Variants in USH2A observed in about 807,000 individuals in gnomAD.
USH2A encodes usherin, also known as Usher syndrome 2A (autosomal recessive, mild).
Under a neutral mutation model 538.9 loss-of-function variants are expected in USH2A, and 443 were observed. The ratio of observed to expected loss-of-function variants is 0.82; its 90% CI spans 0.76 to 0.89. The LOEUF is 0.89. Among genes scored for constraint, USH2A ranks in the 40% least tolerant of loss-of-function variants. USH2A has a pLI of 0.00. For missense variants in USH2A, 6,633 were observed against 6,324.8 expected, an observed-to-expected ratio of 1.05 and a Z score of -1.65; for synonymous variants, 2,413 against 2,273.5, an observed-to-expected ratio of 1.06 and a Z score of -1.75.
At chr1:216,017,604 T>G (rs1452023815) in intron 32 of USH2A, among the ~76,000 whole-genome samples, 1 of 152,284 alleles carries the variant, frequency 6.6e-6, no homozygotes, top group African/African-American at 2.4e-5. Context: ...AAGTTAATAA[T>G]GAGACATAAT....
At chr1:216,203,005 C>A (rs542734208) in intron 16 of USH2A, among the ~76,000 whole-genome samples, 1 of 152,178 alleles carries the variant, frequency 6.6e-6, no homozygotes, top group South Asian at 2.1e-4. Flanking sequence ...TTCCTTTCAT[C>A]TTTGTATTTC....
Position 215,623,557 on chromosome 1 carries a change from GTTC to G in USH2A, c.*2221_*2223del, listed in dbSNP as rs1655881160. The G allele has an allele frequency of 2.0e-5, 3 of 152,224 alleles. No homozygotes were observed. The highest frequency in any genetic ancestry group is 6.5e-5 in the Admixed American group (1 of 15,282). 9.4% of individuals were successfully genotyped at this position (152,224 alleles called of 1,614,324 possible). A position where few individuals can be genotyped will look rare whatever the true frequency, so the allele number is the denominator to read the frequency against. Reference sequence around the variant, plus strand: ...TAAAGTAGCAAAGCAACATCTTAGAGTTCTTCTCTGAAATAAATACAAGTAAAC... The same window carrying G: ...TAAAGTAGCAAAGCAACATCTTAGAGTTCTCTGAAATAAATACAAGTAAAC... On this transcript the variant is annotated 3_prime_UTR_variant, in exon 72 of 72. Coordinates refer to ENST00000307340, the MANE Select transcript of USH2A (RefSeq NM_206933.4).
At chr1:216,065,328 A>T (rs978816668) in intron 30 of USH2A, among the ~76,000 whole-genome samples, 1 of 152,212 alleles carries the variant, frequency 6.6e-6, no homozygotes, top group Non-Finnish European at 1.5e-5. Context: ...AATATGCATT[A>T]TATGTTATCA....
chr1:216,347,953 C>A (rs914233409), intron 4 of USH2A, among the ~76,000 whole-genome samples: 1 of 152,092 alleles, frequency 6.6e-6, no homozygotes, highest in African/African-American at 2.4e-5. Flanking sequence ...TCAAGCTGAA[C>A]AAGAGTTAAC....
At chr1:215,894,867 C>T (rs773081707) in intron 40 of USH2A, among the ~76,000 whole-genome samples, 2 of 152,162 alleles carry the variant, frequency 1.3e-5, no homozygotes, top group Non-Finnish European at 2.9e-5. Context: ...AATTGCTTTC[C>T]AGCCTTACCC....
chr1:216,045,980 C>G (rs1293546130), intron 32 of USH2A, among the ~76,000 whole-genome samples: 1 of 150,152 alleles, frequency 6.7e-6, no homozygotes, highest in African/African-American at 2.5e-5. Flanking sequence ...AACACATTTT[C>G]AGATAACTAT....
At position 215,922,010 on chromosome 1, in the gene USH2A, G is replaced by A. The variant is rs1016920735; in HGVS notation, c.7300+12606C>T. 2.5e-4 allele frequency among the ~76,000 whole-genome samples: 38 copies of A among 152,144 alleles called. 1 individual carries two copies. Among genetic ancestry groups the A allele is most frequent in the Admixed American group, 2.4e-3 (36 of 15,236 alleles). ...GTCAACCTACTCTGGAGTTGTGTTT[G>A]TGAACTCCTAGAAGGAAAAATCTTA... On this transcript the variant is annotated intron_variant, in intron 38 of 71. Transcript: ENST00000307340.
chr1:216,050,604 C>CTTTCTTTCTTTTTTTTT (rs1195871302), intron 30 of USH2A, among the ~76,000 whole-genome samples: 1 of 68,564 alleles, frequency 1.5e-5, no homozygotes, highest in African/African-American at 5.3e-5. Context: ...TTCTTTCTTT[C>CTTTCTTTCTTTTTTTTT]TTTTTTTTTT....
chr1:215,990,316 T>C (rs889632119), intron 35 of USH2A, among the ~76,000 whole-genome samples: 1 of 152,216 alleles, frequency 6.6e-6, no homozygotes, highest in African/African-American at 2.4e-5. Context: ...AACAAATATA[T>C]TGCAGACACT....
rs772357461 is a variant in USH2A, at chr1:215,675,550, G to T, written c.12361C>A (p.Arg4121Ser). ...GTGTAGAGAGTGAAAGGATCCAGGC[G>T]GCGGAAGAGAAACTGACGATTCAAA... ...SGLNRQFLFR[R>S]LDPFTLYTLT... Residue 4121 changes from arginine to serine, a missense_variant, in exon 63 of 72, where the codon CGC becomes AGC. Physicochemically the swap from Arg to Ser is moderately radical, Grantham distance 110 (BLOSUM62 -1). Coordinates refer to ENST00000307340, the MANE Select transcript of USH2A (RefSeq NM_206933.4). 4 of 1,613,876 alleles carry T rather than the reference G, an allele frequency of 2.5e-6. No homozygotes were observed. The African/African-American group carries it at 5.3e-5, about 22-fold the overall frequency.
chr1:215,855,995 G>A (rs558160872), intron 44 of USH2A, among the ~76,000 whole-genome samples: 9 of 152,262 alleles, frequency 5.9e-5, no homozygotes, highest in Middle Eastern at 3.4e-3. Context: ...GTAGAAGAAT[G>A]AAACTAGATC....
chr1:215,732,705 C>A (rs1224452757), intron 60 of USH2A, among the ~76,000 whole-genome samples: 2 of 151,622 alleles, frequency 1.3e-5, no homozygotes, highest in Non-Finnish European at 2.9e-5. Context: ...CCATGCCTGG[C>A]TAATTTTTTG....
chr1:216,038,939 C>A (rs2030130240), intron 32 of USH2A, among the ~76,000 whole-genome samples: 1 of 152,022 alleles, frequency 6.6e-6, no homozygotes, highest in Non-Finnish European at 1.5e-5. Context: ...CTTTCCCTAT[C>A]ATTTACGAAC....
At chr1:216,365,514 T>C (rs1168070690) in intron 3 of USH2A, among the ~76,000 whole-genome samples, 1 of 152,178 alleles carries the variant, frequency 6.6e-6, no homozygotes, top group Non-Finnish European at 1.5e-5. Flanking sequence ...TAATTCAAGT[T>C]ACTAGGATCA....
intron 37 of USH2A, among the ~76,000 whole-genome samples, chr1:215,948,438 A>ATG (rs1666812110): frequency 6.9e-6 from 1 of 145,472 alleles, no homozygotes; most frequent in Non-Finnish European, 1.5e-5. Context: ...ATATATATAT[A>ATG]TATATACACA....
At chr1:216,376,783 A>G (rs1414122066) in intron 3 of USH2A, among the ~76,000 whole-genome samples, 1 of 152,152 alleles carries the variant, frequency 6.6e-6, no homozygotes, top group Non-Finnish European at 1.5e-5. Context: ...GATATATAGA[A>G]AATCATTTAT....
chr1:216,052,363 G>GAAAAAAAAAAAAA (rs66887627), intron 30 of USH2A, among the ~76,000 whole-genome samples: 1 of 127,748 alleles, frequency 7.8e-6, no homozygotes. Flanking sequence ...GAAAACAAAG[G>GAAAAAAAAAAAAA]AAAAAAAAAA....
rs1655844118 is a variant in USH2A at position 215,623,000 on chromosome 1, T to G, written c.*2781A>C. ...TTGTGACATAATTAAAAGTTCCTTA[T>G]TAATGAATTCTTCCACTTGGACTAT... On this transcript the variant is annotated 3_prime_UTR_variant, in exon 72 of 72. Transcript: ENST00000307340. 2 of 152,190 alleles carry G rather than the reference T, an allele frequency of 1.3e-5. No individual in the cohort carries two copies. The highest frequency in any genetic ancestry group is 4.1e-4 in the South Asian group (2 of 4,834). The allele number at this position is 152,190 out of a possible 1,614,324, so 9.4% of individuals were successfully genotyped here. A position where few individuals can be genotyped will look rare whatever the true frequency, so the allele number is the denominator to read the frequency against.
At chr1:216,385,297 G>T (rs916485816) in intron 3 of USH2A, among the ~76,000 whole-genome samples, 4 of 152,156 alleles carry the variant, frequency 2.6e-5, no homozygotes, top group African/African-American at 9.7e-5. Flanking sequence ...TAAAGGGAAA[G>T]AATTAGTGTT....
Sources: gnomAD v4.1 joint callset for allele counts (sites outside exome capture counted in the v4.1 genomes callset) on GRCh38, gnomAD v4.1.1 for gene constraint, MANE v1.5 for transcripts, NCBI Gene and HGNC (gene_info 2026-07-23, HGNC 2026-07-21) for gene names.